MACROD2: variants seen among roughly 807,000 people sequenced by gnomAD.
The protein encoded by MACROD2 is mono-ADP ribosylhydrolase 2, also known as ADP-ribose glycohydrolase MACROD2.
A neutral mutation model predicts 70.4 loss-of-function variants in MACROD2; 36 were observed. The observed-to-expected ratio is 0.51, with a 90% confidence interval of 0.39 to 0.68. The LOEUF is 0.68. MACROD2 is among the 30% of genes least tolerant of loss of function. The pLI, the probability that MACROD2 is intolerant of heterozygous loss-of-function variation, is 0.00. For synonymous variants in MACROD2, 172 were observed against 178.8 expected (o/e 0.96, Z 0.30); for missense variants, 496 against 538.4 (o/e 0.92, Z 0.78).
At chr20:14,850,797 A>T (rs2073191641) in intron 5 of MACROD2, among the ~76,000 whole-genome samples, 1 of 152,198 alleles carries the variant, frequency 6.6e-6, no homozygotes, top group Non-Finnish European at 1.5e-5. Flanking sequence ...GGTAAATATT[A>T]TAATTTGAAA....
At chr20:15,293,175 C>T (rs1477079448) in intron 6 of MACROD2, among the ~76,000 whole-genome samples, 8 of 152,236 alleles carry the variant, frequency 5.3e-5, no homozygotes, top group Non-Finnish European at 1.2e-4. Context: ...ATCCCTGCCA[C>T]ATGGCATCTC....
intron 4 of MACROD2, among the ~76,000 whole-genome samples, chr20:14,649,513 G>A (rs1429960630): frequency 6.6e-6 from 1 of 152,158 alleles, no homozygotes; most frequent in Non-Finnish European, 1.5e-5. Context: ...CCGAAGAGGA[G>A]TTTGCATTGG....
chr20:14,131,469 G>T (rs568046393), intron 3 of MACROD2, among the ~76,000 whole-genome samples: 12 of 152,256 alleles, frequency 7.9e-5, no homozygotes, highest in African/African-American at 2.9e-4. Flanking sequence ...TCATTTAAAT[G>T]CAGCTTTACA....
intron 6 of MACROD2, among the ~76,000 whole-genome samples, chr20:15,323,091 C>G (rs1200810497): frequency 1.5e-4 from 16 of 103,938 alleles, no homozygotes; most frequent in Admixed American, 2.8e-4. Context: ...TGACATTCTG[C>G]CATTCTGCAG....
chr20:14,630,216 T>C (rs1984432362), intron 4 of MACROD2, among the ~76,000 whole-genome samples: 1 of 152,132 alleles, frequency 6.6e-6, no homozygotes, highest in South Asian at 2.1e-4. Flanking sequence ...GGAGCAATTT[T>C]GGTGTGCTGC....
intron 6 of MACROD2, among the ~76,000 whole-genome samples, chr20:15,274,855 C>T (rs1463038169): frequency 6.6e-6 from 1 of 152,212 alleles, no homozygotes; most frequent in Middle Eastern, 3.4e-3. Context: ...TTTTAAGGGG[C>T]CTCTGACCTA....
intron 13 of MACROD2, among the ~76,000 whole-genome samples, chr20:15,982,636 A>G (rs533216445): frequency 7.9e-5 from 12 of 152,270 alleles, no homozygotes; most frequent in African/African-American, 2.9e-4. Flanking sequence ...TAACACCTCT[A>G]CACAGTTTAT....
chr20:15,111,175 TTG>T (rs1310587685), intron 5 of MACROD2, among the ~76,000 whole-genome samples: 1,114 of 67,548 alleles, frequency 0.016, 19 homozygotes, highest in African/African-American at 0.065. Context: ...TTGTTTTTGT[TTG>T]TTTTTTTTTT....
chr20:14,931,633 A>G (rs1345183001), intron 5 of MACROD2, among the ~76,000 whole-genome samples: 2 of 152,178 alleles, frequency 1.3e-5, no homozygotes, highest in East Asian at 1.9e-4. Context: ...AAAAGTAAAC[A>G]TACATGAATA....
At chr20:14,702,678 CATATATGTGTATATATATGT>C (rs2071219914) in intron 5 of MACROD2, among the ~76,000 whole-genome samples, 7 of 68,144 alleles carry the variant, frequency 1.0e-4, no homozygotes, top group Admixed American at 3.7e-4. Flanking sequence ...TATATATACA[CATATATGTGTATATATATGT>C]ATATATATGT....
intron 12 of MACROD2, among the ~76,000 whole-genome samples, chr20:15,945,930 G>A (rs1425850058): frequency 6.6e-6 from 1 of 152,126 alleles, no homozygotes; most frequent in Non-Finnish European, 1.5e-5. Context: ...AGAAGGCAGA[G>A]GGTGTCATGG....
chr20:14,028,562 A>G (rs1277015149), intron 2 of MACROD2, among the ~76,000 whole-genome samples: 1 of 152,186 alleles, frequency 6.6e-6, no homozygotes, highest in Admixed American at 6.5e-5. Context: ...TAGGCAACCA[A>G]GGGAATCTGC....
intron 3 of MACROD2, among the ~76,000 whole-genome samples, chr20:14,461,076 G>A (rs561636330): frequency 6.6e-6 from 1 of 151,966 alleles, no homozygotes; most frequent in Non-Finnish European, 1.5e-5. Flanking sequence ...GGGTTGGTAG[G>A]CTATTAATTA....
chr20:14,665,034 G>C (rs1444478870), intron 4 of MACROD2, among the ~76,000 whole-genome samples: 3 of 152,112 alleles, frequency 2.0e-5, no homozygotes, highest in African/African-American at 7.2e-5. Context: ...GCTTGCTTCA[G>C]TGGGGTGGGA....
chr20:15,909,550 GTC>G (rs1568633522), intron 10 of MACROD2, among the ~76,000 whole-genome samples: 2 of 109,402 alleles, frequency 1.8e-5, no homozygotes, highest in Non-Finnish European at 3.3e-5. Context: ...TTGAGACGGA[GTC>G]TCTCTCTGTC....
chr20:14,322,189 T>TATTTCA (rs1158648144), intron 3 of MACROD2, among the ~76,000 whole-genome samples: 1 of 130,012 alleles, frequency 7.7e-6, no homozygotes, highest in Non-Finnish European at 1.7e-5. Context: ...TATATATATA[T>TATTTCA]ATATATATAT....
chr20:14,108,730 T>C (rs879748972), intron 3 of MACROD2, among the ~76,000 whole-genome samples: 2 of 152,012 alleles, frequency 1.3e-5, no homozygotes, highest in Non-Finnish European at 2.9e-5. Context: ...TAAACATATA[T>C]GCACCCAATG....
intron 5 of MACROD2, among the ~76,000 whole-genome samples, chr20:15,090,614 A>G (rs1008345082): frequency 6.6e-6 from 1 of 152,110 alleles, no homozygotes; most frequent in Non-Finnish European, 1.5e-5. Context: ...ATATGCATGA[A>G]TGGGGCTGAA....
chr20:15,574,268 G>A (rs1268310529), intron 8 of MACROD2, among the ~76,000 whole-genome samples: 1 of 151,968 alleles, frequency 6.6e-6, no homozygotes, highest in Non-Finnish European at 1.5e-5. Flanking sequence ...AACACAGTGA[G>A]AGAAACATCA....
Sources: gnomAD v4.1 joint callset for allele counts (sites outside exome capture counted in the v4.1 genomes callset) on GRCh38, gnomAD v4.1.1 for gene constraint, MANE v1.5 for transcripts, NCBI Gene and HGNC (gene_info 2026-07-23, HGNC 2026-07-21) for gene names.